Variants in TRHDE observed in about 807,000 individuals in gnomAD.
The protein encoded by TRHDE is thyrotropin releasing hormone degrading enzyme, also known as thyrotropin-releasing hormone-degrading ectoenzyme.
A neutral mutation model predicts 125.7 loss-of-function variants in TRHDE; 72 were observed. That is an observed-to-expected ratio of 0.57 (90% CI 0.47 to 0.70). The LOEUF is 0.70. Ranked by LOEUF, TRHDE falls within the 30% of genes least tolerant of loss-of-function variation. The probability of loss-of-function intolerance (pLI) is 0.00; values close to 1 mark genes in which losing one functional copy is unlikely to be tolerated. For synonymous variants in TRHDE, 509 were observed against 509.1 expected (o/e 1.00, Z 0.00); for missense variants, 1,110 against 1,327.1 (o/e 0.84, Z 2.54).
At chr12:72,233,040 T>A (rs57002201) in intron 2 of TRHDE, among the ~76,000 whole-genome samples, 42,626 of 152,096 alleles carry the variant, frequency 0.28, 6,416 homozygotes, top group African/African-American at 0.35. Context: ...GAGCTTAATA[T>A]ATATTTGTTA....
intron 12 of TRHDE, among the ~76,000 whole-genome samples, chr12:72,590,913 C>A (rs766346868): frequency 2.8e-4 from 42 of 151,968 alleles, no homozygotes; most frequent in Non-Finnish European, 4.9e-4. Flanking sequence ...TAGATAATTT[C>A]AGAATTACTT....
At chr12:72,613,504 A>G (rs954916831) in intron 12 of TRHDE, among the ~76,000 whole-genome samples, 1 of 152,210 alleles carries the variant, frequency 6.6e-6, no homozygotes, top group African/African-American at 2.4e-5. Flanking sequence ...CATTATTGCC[A>G]TAATTTAATT....
At chr12:72,167,058 G>A (rs2139332564) in intron 2 of TRHDE, among the ~76,000 whole-genome samples, 1 of 152,082 alleles carries the variant, frequency 6.6e-6, no homozygotes, top group Non-Finnish European at 1.5e-5. Context: ...ATGCGCCCAG[G>A]GGCTGAGGCA....
At chr12:72,228,623 T>C (rs958214819) in intron 2 of TRHDE, among the ~76,000 whole-genome samples, 4 of 152,218 alleles carry the variant, frequency 2.6e-5, no homozygotes, top group Admixed American at 1.3e-4. Flanking sequence ...TTCTTGTCTA[T>C]TGCATCATCA....
intron 18 of TRHDE, among the ~76,000 whole-genome samples, chr12:72,660,588 C>G (rs574700526): frequency 6.6e-6 from 1 of 152,264 alleles, no homozygotes; most frequent in African/African-American, 2.4e-5. Flanking sequence ...ACCCTATACT[C>G]GCCGGTTATT....
At chr12:72,353,117 T>A (rs1870658044) in intron 2 of TRHDE, among the ~76,000 whole-genome samples, 1 of 151,742 alleles carries the variant, frequency 6.6e-6, no homozygotes, top group Non-Finnish European at 1.5e-5. Context: ...AAAAATGGAA[T>A]ATAAATTAAA....
chr12:72,650,213 G>A lies in TRHDE; in HGVS notation c.2676-2109G>A, dbSNP rs954093407. On this transcript the variant is annotated intron_variant, in intron 15 of 18. Transcript: ENST00000261180. ...CTATTCAGCCTTTACAAAGCACGAC[G>A]TTTTTCAATATTGACAATATTTATG... Among the ~76,000 whole-genome samples the A allele has an allele frequency of 4.3e-4, 66 of 152,010 alleles. 1 individual carries two copies. The highest frequency in any genetic ancestry group is 3.9e-3 in the Admixed American group (59 of 15,232).
chr12:72,278,213 G>A (rs553832000), intron 1 of TRHDE, among the ~76,000 whole-genome samples: 37 of 152,048 alleles, frequency 2.4e-4, no homozygotes, highest in Non-Finnish European at 4.4e-4. Context: ...TTTGTGCCTG[G>A]CTTATTCACT....
In TRHDE at chr12:72,094,614, A is replaced by T. The variant is rs141717385; in HGVS notation, n.174+7175A>T. 7.5e-4 allele frequency among the ~76,000 whole-genome samples: 115 copies of T among 152,370 alleles called. 1 individual carries two copies. The highest frequency in any genetic ancestry group is 2.6e-3 in the African/African-American group (109 of 41,586). On this transcript the variant is annotated intron_variant and non_coding_transcript_variant, in intron 1 of 4. Coordinates refer to the TRHDE transcript ENST00000548156. ...CTGAGAGGGGCTGGAGCTTAAGGAC[A>T]GGACCACTTCAGGGTCCTAGCTGGG...
At chr12:72,378,862 C>A (rs1358571641) in intron 3 of TRHDE, among the ~76,000 whole-genome samples, 1 of 152,174 alleles carries the variant, frequency 6.6e-6, no homozygotes, top group Non-Finnish European at 1.5e-5. Context: ...TTCAATGAGG[C>A]TGCTGCTTTT....
chr12:72,459,082 A>G (rs1007643433), intron 3 of TRHDE, among the ~76,000 whole-genome samples: 13 of 152,224 alleles, frequency 8.5e-5, no homozygotes, highest in African/African-American at 2.9e-4. Context: ...GAACTATTCC[A>G]GTTTTTAGAG....
chr12:72,250,744 G>C (rs1019785995), intron 2 of TRHDE, among the ~76,000 whole-genome samples: 3 of 150,606 alleles, frequency 2.0e-5, no homozygotes, highest in African/African-American at 7.3e-5. Flanking sequence ...GCCAGAGATA[G>C]TCTCAAAGCC....
At chr12:72,405,747 G>A (rs554264560) in intron 3 of TRHDE, among the ~76,000 whole-genome samples, 1 of 152,230 alleles carries the variant, frequency 6.6e-6, no homozygotes, top group South Asian at 2.1e-4. Flanking sequence ...CAGTGTAAAG[G>A]AAAACATAAT....
chr12:72,226,341 C>T (rs934366395), intron 2 of TRHDE, among the ~76,000 whole-genome samples: 5 of 152,166 alleles, frequency 3.3e-5, no homozygotes, highest in East Asian at 1.9e-4. Flanking sequence ...CACCTTACCT[C>T]GTTCACTCCT....
chr12:72,250,537 C>T (rs1386647054), intron 2 of TRHDE, among the ~76,000 whole-genome samples: 4 of 151,934 alleles, frequency 2.6e-5, no homozygotes, highest in African/African-American at 9.7e-5. Context: ...AATCAGGAAC[C>T]AGATAAAAAG....
chr12:72,533,079 G>T (rs1161952472), intron 6 of TRHDE, among the ~76,000 whole-genome samples: 1 of 151,986 alleles, frequency 6.6e-6, no homozygotes, highest in South Asian at 2.1e-4. Flanking sequence ...AACTGTCCTG[G>T]ATTGGTATAT....
At chr12:72,222,271 A>G (rs977900079) in intron 2 of TRHDE, among the ~76,000 whole-genome samples, 1 of 152,166 alleles carries the variant, frequency 6.6e-6, no homozygotes, top group South Asian at 2.1e-4. Flanking sequence ...GGAATGAGAG[A>G]GATTGTTCCT....
chr12:72,142,605 C>T (rs578139869), intron 2 of TRHDE, among the ~76,000 whole-genome samples: 2 of 152,164 alleles, frequency 1.3e-5, no homozygotes, highest in African/African-American at 4.8e-5. Flanking sequence ...TAAATGAGAA[C>T]AGACATTCCT....
intron 15 of TRHDE, among the ~76,000 whole-genome samples, chr12:72,635,443 T>G (rs1873698315): frequency 1.3e-5 from 2 of 152,230 alleles, no homozygotes; most frequent in African/African-American, 2.4e-5. Context: ...TTTCTCCCAT[T>G]CTGTAGGTTG....
Sources: gnomAD v4.1 joint callset for allele counts (sites outside exome capture counted in the v4.1 genomes callset) on GRCh38, gnomAD v4.1.1 for gene constraint, MANE v1.5 for transcripts, NCBI Gene and HGNC (gene_info 2026-07-23, HGNC 2026-07-21) for gene names.